SINHCAF: variants seen among roughly 807,000 people sequenced by gnomAD.
SINHCAF encodes SIN3-HDAC complex associated factor.
A neutral mutation model predicts 25.8 loss-of-function variants in SINHCAF; 3 were observed. The observed-to-expected ratio is 0.12, with a 90% confidence interval of 0.05 to 0.30. The LOEUF (loss-of-function observed/expected upper bound fraction) is 0.30. SINHCAF is among the 10% of genes least tolerant of loss of function. The pLI, the probability that SINHCAF is intolerant of heterozygous loss-of-function variation, is 1.00. For synonymous variants in SINHCAF, 70 were observed against 85.5 expected, an observed-to-expected ratio of 0.82 and a Z score of 1.00; for missense variants, 121 against 262.3, an observed-to-expected ratio of 0.46 and a Z score of 3.72.
In SINHCAF at chr12:31,308,120, T is replaced by C. The variant is rs187542370; in HGVS notation, c.-20-9896A>G. 1.5e-3 allele frequency among the ~76,000 whole-genome samples: 228 copies of C among 152,302 alleles called. 2 individuals are homozygous for C. The highest frequency in any genetic ancestry group is 2.5e-3 in the Non-Finnish European group (172 of 68,022). On this transcript the variant is annotated intron_variant, in intron 1 of 5. Coordinates refer to ENST00000337682, the MANE Select transcript of SINHCAF (RefSeq NM_001135812.2). ...CACATCTGGCTAATTTTTGTATTTT[T>C]AGTAGAGACACGGTTTCACCATGTT...
intron 1 of SINHCAF, among the ~76,000 whole-genome samples, chr12:31,309,997 G>C (rs1364593846): frequency 6.6e-6 from 1 of 151,770 alleles, no homozygotes; most frequent in Non-Finnish European, 1.5e-5. Context: ...GGCATTTTTT[G>C]GTTTGCTTTC....
chr12:31,291,785 AAAAGAAAG>A (rs202145232), intron 4 of SINHCAF, among the ~76,000 whole-genome samples: 1 of 151,250 alleles, frequency 6.6e-6, no homozygotes, highest in African/African-American at 2.4e-5. Flanking sequence ...GAAAAAAAAA[AAAAGAAAG>A]AAAGAAGAGA....
intron 3 of SINHCAF, among the ~76,000 whole-genome samples, chr12:31,294,293 T>C (rs1938456854): frequency 6.6e-6 from 1 of 152,210 alleles, no homozygotes; most frequent in African/African-American, 2.4e-5. Flanking sequence ...TCATATACTT[T>C]TTATATTTAG....
intron 5 of SINHCAF, 134 bp from the exon 6 acceptor site, chr12:31,283,005 G>T: frequency 1.6e-6 from 1 of 629,742 alleles, no homozygotes; most frequent in Non-Finnish European, 2.5e-6. Flanking sequence ...CATTCCAAGT[G>T]AAAGGGCTCC....
At chr12:31,308,646 CCT>C (rs1303211907) in intron 1 of SINHCAF, among the ~76,000 whole-genome samples, 1 of 152,014 alleles carries the variant, frequency 6.6e-6, no homozygotes, top group Non-Finnish European at 1.5e-5. Context: ...ATGAGGATCC[CCT>C]GAGAGAAGTC....
chr12:31,299,339 C>T (rs1368422571), intron 1 of SINHCAF, among the ~76,000 whole-genome samples: 1 of 150,676 alleles, frequency 6.6e-6, no homozygotes, highest in African/African-American at 2.5e-5. Context: ...TTTTTGGAGA[C>T]AGAGTCTCAC....
intron 1 of SINHCAF, among the ~76,000 whole-genome samples, chr12:31,310,870 C>CTT (rs901142862): frequency 0.01 from 1,419 of 139,822 alleles, 20 homozygotes; most frequent in African/African-American, 0.035. Context: ...AATCTACGAT[C>CTT]TTTTTTTTTT....
chr12:31,314,725 G>A (rs1278883089), intron 1 of SINHCAF, among the ~76,000 whole-genome samples: 1 of 152,158 alleles, frequency 6.6e-6, no homozygotes, highest in Admixed American at 6.5e-5. Context: ...GATACCACTG[G>A]AAGTAGTTTC....
At chr12:31,295,990 G>A (rs1331511511) in intron 2 of SINHCAF, among the ~76,000 whole-genome samples, 1 of 151,862 alleles carries the variant, frequency 6.6e-6, no homozygotes, top group African/African-American at 2.4e-5. Context: ...AGACCAGCCT[G>A]GGCAACACAA....
At chr12:31,308,597 TCAGAG>T (rs1939129683) in intron 1 of SINHCAF, among the ~76,000 whole-genome samples, 1 of 152,120 alleles carries the variant, frequency 6.6e-6, no homozygotes, top group Non-Finnish European at 1.5e-5. Context: ...AGAAAGTGTG[TCAGAG>T]CAAAGGAGGA....
At chr12:31,301,970 C>A (rs559227912) in intron 1 of SINHCAF, among the ~76,000 whole-genome samples, 1 of 152,240 alleles carries the variant, frequency 6.6e-6, no homozygotes, top group East Asian at 1.9e-4. Flanking sequence ...TCCTCCAGTA[C>A]AATCTATCTT....
chr12:31,310,795 A>G (rs539130366), intron 1 of SINHCAF, among the ~76,000 whole-genome samples: 2 of 152,228 alleles, frequency 1.3e-5, no homozygotes, highest in East Asian at 3.9e-4. Context: ...ATGTTTTATC[A>G]AAGTGGGTAA....
chr12:31,324,901 T>A lies in SINHCAF; in HGVS notation c.-21+1123A>T. 1 of 450,338 alleles carries A rather than the reference T, an allele frequency of 2.2e-6. No individual in the cohort carries two copies. The highest frequency in any genetic ancestry group is 4.5e-6 in the Non-Finnish European group (1 of 222,478). The allele number at this position is 450,338 out of a possible 1,614,324, so 27.9% of individuals were successfully genotyped here. On this transcript the variant is annotated intron_variant, in intron 1 of 5. Transcript: ENST00000337682. This position sits in a 1 kb window ranked among gnomAD's most constrained non-coding sequence, Gnocchi z 5.5. ...GGCGGAGAGTTGGCGACTTTCACTC[T>A]GCTTTTTAAACTGGCAAGACGCCAT...
At chr12:31,319,873 C>G (rs920794912) in intron 1 of SINHCAF, among the ~76,000 whole-genome samples, 1 of 152,172 alleles carries the variant, frequency 6.6e-6, no homozygotes, top group Non-Finnish European at 1.5e-5. Flanking sequence ...AATCTTCCCT[C>G]CAAATCTGCT....
At chr12:31,294,776 G>A (rs1938480693) in intron 3 of SINHCAF, among the ~76,000 whole-genome samples, 1 of 152,138 alleles carries the variant, frequency 6.6e-6, no homozygotes, top group African/African-American at 2.4e-5. Flanking sequence ...CTCTGTAAGA[G>A]AGCTATTATC....
intron 4 of SINHCAF, among the ~76,000 whole-genome samples, chr12:31,288,991 T>C (rs1353649569): frequency 1.3e-5 from 2 of 150,434 alleles, no homozygotes; most frequent in Non-Finnish European, 3.0e-5. Flanking sequence ...AAAAAATAAA[T>C]GGAAAATTTG....
chr12:31,320,243 C>T (rs1474262017), intron 1 of SINHCAF, among the ~76,000 whole-genome samples: 1 of 152,212 alleles, frequency 6.6e-6, no homozygotes, highest in Non-Finnish European at 1.5e-5. Context: ...CTACCAGCTG[C>T]TCCCAACTTG....
At chr12:31,307,473 T>C (rs1025447811) in intron 1 of SINHCAF, among the ~76,000 whole-genome samples, 22 of 152,044 alleles carry the variant, frequency 1.4e-4, no homozygotes, top group Non-Finnish European at 2.5e-4. Context: ...GCAGATTAAC[T>C]GAGCCCAGGA....
intron 2 of SINHCAF, among the ~76,000 whole-genome samples, chr12:31,297,429 G>A (rs1290958289): frequency 6.6e-6 from 1 of 151,670 alleles, no homozygotes; most frequent in Admixed American, 6.6e-5. Flanking sequence ...CAAAGTGCTG[G>A]GATTACTAGC....
Sources: allele counts gnomAD v4.1 joint callset (sites outside exome capture counted in the v4.1 genomes callset), GRCh38; gene constraint gnomAD v4.1.1; non-coding constraint Gnocchi (gnomAD v3.1); transcripts MANE v1.5; gene names NCBI Gene and HGNC (gene_info 2026-07-23, HGNC 2026-07-21).